The following RGPD2 variants were observed in gnomAD, a reference collection of about 807,000 sequenced individuals.
RGPD2 encodes the protein RANBP2-like and GRIP domain-containing protein 2.
In RGPD2, 2 loss-of-function variants were observed where a neutral mutation model predicts 36.0. The ratio of observed to expected loss-of-function variants is 0.06; its 90% CI spans 0.02 to 0.17. RGPD2 has a LOEUF of 0.17. Among genes scored for constraint, RGPD2 ranks in the 10% least tolerant of loss-of-function variants. The pLI, the probability that RGPD2 is intolerant of heterozygous loss-of-function variation, is 1.00. For missense variants in RGPD2, 40 were observed against 464.3 expected (o/e 0.09, Z 8.40); for synonymous variants, 19 against 163.8 (o/e 0.12, Z 6.75).
At chr2:87,853,463 G>T in the RGPD2 span, among the ~76,000 whole-genome samples, 1 of 151,690 alleles carries the variant, frequency 6.6e-6, no homozygotes, top group East Asian at 2.0e-4. Flanking sequence ...GCCTCAAGCG[G>T]TCCTCTCACC....
chr2:87,921,734 T>C, the RGPD2 span, among the ~76,000 whole-genome samples: 1 of 152,134 alleles, frequency 6.6e-6, no homozygotes, highest in Non-Finnish European at 1.5e-5. Flanking sequence ...CATTACCAGG[T>C]TGTCAATAGT....
the RGPD2 span, among the ~76,000 whole-genome samples, chr2:87,844,831 G>T: frequency 7.2e-6 from 1 of 138,140 alleles, no homozygotes; most frequent in African/African-American, 2.7e-5. Context: ...CATTTATAAG[G>T]AAATTATTGA....
At chr2:87,986,617 C>A in the RGPD2 span, among the ~76,000 whole-genome samples, 2 of 151,832 alleles carry the variant, frequency 1.3e-5, no homozygotes, top group African/African-American at 4.8e-5. Flanking sequence ...TGGTGACTCA[C>A]GCCTGTAATC....
the RGPD2 span, among the ~76,000 whole-genome samples, chr2:87,924,752 T>C: frequency 4.6e-5 from 6 of 131,502 alleles, no homozygotes; most frequent in South Asian, 1.8e-3. Context: ...TAAAATCTTC[T>C]GTGGTTTTTG....
the RGPD2 span, among the ~76,000 whole-genome samples, chr2:87,920,406 A>G: frequency 2.7e-5 from 4 of 147,914 alleles, no homozygotes; most frequent in Non-Finnish European, 6.0e-5. Flanking sequence ...GGAAAAAAAG[A>G]AAAAAAAAAG....
chr2:87,927,814 C>T, the RGPD2 span, among the ~76,000 whole-genome samples: 1 of 149,884 alleles, frequency 6.7e-6, no homozygotes, highest in African/African-American at 2.4e-5. Context: ...GTATGACTTC[C>T]CAGAAAAGCC....
At chr2:87,887,219 T>C in the RGPD2 span, among the ~76,000 whole-genome samples, 1 of 151,902 alleles carries the variant, frequency 6.6e-6, no homozygotes, top group Non-Finnish European at 1.5e-5. Flanking sequence ...AAAATGATAA[T>C]ACCTCACTCT....
At chr2:87,910,460 G>C in the RGPD2 span, among the ~76,000 whole-genome samples, 1 of 152,268 alleles carries the variant, frequency 6.6e-6, no homozygotes. Context: ...GAATTTCTAA[G>C]TAGAAATAGA....
upstream of RGPD2, among the ~76,000 whole-genome samples, chr2:87,827,069 G>A (rs1246251991): frequency 2.0e-5 from 3 of 150,786 alleles, no homozygotes; most frequent in East Asian, 3.9e-4. Flanking sequence ...CTTTCTCTCT[G>A]TTCTCTCTTT....
chr2:87,862,730 C>T, the RGPD2 span, among the ~76,000 whole-genome samples: 3 of 107,864 alleles, frequency 2.8e-5, no homozygotes, highest in Admixed American at 2.0e-4. Context: ...TGAAAATTGC[C>T]CTTATAAGAA....
the RGPD2 span, among the ~76,000 whole-genome samples, chr2:87,915,278 A>ATTATATATATTG: frequency 1.0e-4 from 9 of 90,346 alleles, no homozygotes; most frequent in African/African-American, 2.3e-4. Flanking sequence ...GTGTGTGTAT[A>ATTATATATATTG]TATATATATA....
the RGPD2 span, among the ~76,000 whole-genome samples, chr2:87,836,730 T>C: frequency 6.6e-6 from 1 of 151,778 alleles, no homozygotes; most frequent in Non-Finnish European, 1.5e-5. Context: ...AATCCACAGG[T>C]ATCAATATTA....
the RGPD2 span, among the ~76,000 whole-genome samples, chr2:87,910,364 A>G: frequency 6.6e-6 from 1 of 150,914 alleles, no homozygotes; most frequent in African/African-American, 2.4e-5. Context: ...TCTTTGCCTC[A>G]TGTTAGGCAG....
chr2:87,871,862 T>C, the RGPD2 span, among the ~76,000 whole-genome samples: 3 of 24,894 alleles, frequency 1.2e-4, no homozygotes, highest in African/African-American at 5.4e-4. Context: ...TGAAACTCTG[T>C]CTCAAAAAAA....
chr2:87,905,513 A>G, the RGPD2 span, among the ~76,000 whole-genome samples: 1 of 151,470 alleles, frequency 6.6e-6, no homozygotes, highest in African/African-American at 2.4e-5. Context: ...CAATTGAGCT[A>G]TAATTTACAT....
At chr2:87,858,163 A>C in the RGPD2 span, among the ~76,000 whole-genome samples, 1 of 152,114 alleles carries the variant, frequency 6.6e-6, no homozygotes, top group African/African-American at 2.4e-5. Flanking sequence ...CTGTAATCCC[A>C]GCTACTTGGG....
the RGPD2 span, among the ~76,000 whole-genome samples, chr2:87,944,698 C>T: frequency 2.5e-5 from 3 of 119,534 alleles, no homozygotes; most frequent in East Asian, 4.5e-4. Context: ...AATGATGTCA[C>T]ATTTCTCACT....
chr2:87,822,080 C>A (rs71246590), intron 1 of RGPD2, among the ~76,000 whole-genome samples: 1 of 152,118 alleles, frequency 6.6e-6, no homozygotes, highest in Non-Finnish European at 1.5e-5. Context: ...TCAACAAACC[C>A]ATCTGATCAG....
the RGPD2 span, among the ~76,000 whole-genome samples, chr2:87,971,626 T>C: frequency 6.8e-6 from 1 of 147,856 alleles, no homozygotes; most frequent in South Asian, 2.2e-4. Context: ...TAGACTGTGA[T>C]CGATTTTTAT....
Sources: allele counts gnomAD v4.1 joint callset (sites outside exome capture counted in the v4.1 genomes callset), GRCh38; gene constraint gnomAD v4.1.1; transcripts MANE v1.5; gene names NCBI Gene and HGNC (gene_info 2026-07-23, HGNC 2026-07-21).